Variants in CBFA2T3 observed in about 807,000 individuals in gnomAD.
The protein encoded by CBFA2T3 is transcriptional corepressor CBFA2T3.
A neutral mutation model predicts 58.6 loss-of-function variants in CBFA2T3; 31 were observed. That is an observed-to-expected ratio of 0.53 (90% CI 0.40 to 0.71). The LOEUF (loss-of-function observed/expected upper bound fraction) is 0.71. CBFA2T3 is among the 30% of genes least tolerant of loss of function. The probability of loss-of-function intolerance (pLI) is 0.00; values close to 1 mark genes in which losing one functional copy is unlikely to be tolerated. For missense variants in CBFA2T3, 1,076 were observed against 963.1 expected (o/e 1.12, Z -1.55); for synonymous variants, 531 against 421.9 (o/e 1.26, Z -3.17).
intron 1 of CBFA2T3, among the ~76,000 whole-genome samples, chr16:88,930,424 A>G (rs1020261181): frequency 1.3e-5 from 2 of 152,138 alleles, no homozygotes; most frequent in Non-Finnish European, 2.9e-5. Flanking sequence ...ATGGTCCACC[A>G]TAACAACAAT....
chr16:88,905,497 C>T (rs1232772789), intron 1 of CBFA2T3, among the ~76,000 whole-genome samples: 4 of 151,872 alleles, frequency 2.6e-5, no homozygotes, highest in Admixed American at 1.3e-4. Flanking sequence ...TGCAGGGTCT[C>T]TGTGCTTGAC....
chr16:88,977,169 C>T lies in CBFA2T3; in HGVS notation c.-362G>A. The T allele has an allele frequency of 3.5e-6, 1 of 284,564 alleles. No individual in the cohort carries two copies. The highest frequency in any genetic ancestry group is 6.7e-6 in the Non-Finnish European group (1 of 149,240). The allele number at this position is 284,564 out of a possible 1,614,324, so 17.6% of individuals were successfully genotyped here. ...CTTCCCTGACAGGAACCATCTGGGG[C>T]CCTGCCCTGCGCGGCCTTCCCTCGG... On this transcript the variant is annotated 5_prime_UTR_variant, in exon 1 of 12. Transcript: ENST00000268679.
At chr16:88,896,415 C>T (rs534894176) in intron 3 of CBFA2T3, among the ~76,000 whole-genome samples, 20 of 152,266 alleles carry the variant, frequency 1.3e-4, no homozygotes, top group South Asian at 1.2e-3. Context: ...CGCGCGGCAC[C>T]GATAACGGCG....
intron 1 of CBFA2T3, among the ~76,000 whole-genome samples, chr16:88,928,245 C>T (rs1279290941): frequency 2.0e-5 from 3 of 152,188 alleles, no homozygotes; most frequent in Non-Finnish European, 4.4e-5. Context: ...GCTTCTTGCC[C>T]GGCGTGTGGC....
At position 88,875,413 on chromosome 16, in the gene CBFA2T3, C is replaced by T. The variant is rs140686400; in HGVS notation, c.*1563G>A. On this transcript the variant is annotated 3_prime_UTR_variant, in exon 12 of 12. Coordinates refer to ENST00000268679, the MANE Select transcript of CBFA2T3 (RefSeq NM_005187.6). ...CCGAGACACACCCCAGGGCCAGAGG[C>T]GAACGCATCTGAGGGGTGGCTGGGC... 118 of 233,128 alleles carry T rather than the reference C, an allele frequency of 5.1e-4. 2 individuals carry two copies. Among genetic ancestry groups the T allele is most frequent in the African/African-American group, 2.2e-3 (101 of 45,214 alleles). The allele number at this position is 233,128 out of a possible 1,614,324, so 14.4% of individuals were successfully genotyped here.
intron 1 of CBFA2T3, among the ~76,000 whole-genome samples, chr16:88,922,715 G>A (rs970120885): frequency 6.6e-6 from 1 of 152,202 alleles, no homozygotes; most frequent in African/African-American, 2.4e-5. Flanking sequence ...TGCAGCCGTC[G>A]GAGGGTGGTG....
chr16:88,934,137 G>C (rs1971411945), intron 1 of CBFA2T3, among the ~76,000 whole-genome samples: 1 of 152,222 alleles, frequency 6.6e-6, no homozygotes. Context: ...AAGCTCCCTT[G>C]GGAGAGGCCG....
intron 1 of CBFA2T3, among the ~76,000 whole-genome samples, chr16:88,948,122 G>T (rs1230271431): frequency 6.6e-6 from 1 of 152,152 alleles, no homozygotes; most frequent in Non-Finnish European, 1.5e-5. Flanking sequence ...CGATCAGAAC[G>T]GGAGCTGTGT....
At chr16:88,882,514 G>T (rs1012253810) in intron 8 of CBFA2T3, among the ~76,000 whole-genome samples, 162 bp downstream of exon 8, 1 of 148,902 alleles carries the variant, frequency 6.7e-6, no homozygotes, top group Non-Finnish European at 1.5e-5. Flanking sequence ...TGGCTGTGTG[G>T]GCGTGGCTTG....
intron 1 of CBFA2T3, among the ~76,000 whole-genome samples, chr16:88,905,727 AGGAGGGGCGGGACT>A (rs1214379130): frequency 0.074 from 2,305 of 30,982 alleles, 43 homozygotes; most frequent in Middle Eastern, 0.16. Context: ...GCGGGGCTGA[AGGAGGGGCGGGACT>A]GGAGGGGCGG....
intron 1 of CBFA2T3, among the ~76,000 whole-genome samples, chr16:88,905,122 G>A (rs1279563464): frequency 6.6e-6 from 1 of 152,148 alleles, no homozygotes; most frequent in East Asian, 1.9e-4. Flanking sequence ...GGAGGGACCT[G>A]GGAAGGAGGG....
intron 1 of CBFA2T3, among the ~76,000 whole-genome samples, chr16:88,951,999 A>G (rs1597784415): frequency 1.3e-5 from 2 of 152,184 alleles, no homozygotes; most frequent in African/African-American, 4.8e-5. Context: ...ATTCTGGCAC[A>G]GACCCTTGGC....
At chr16:88,967,830 C>A (rs985435359) in intron 1 of CBFA2T3, among the ~76,000 whole-genome samples, 1 of 152,196 alleles carries the variant, frequency 6.6e-6, no homozygotes, top group African/African-American at 2.4e-5. Context: ...ACTCAGGACG[C>A]CCCCTGCCCC....
intron 5 of CBFA2T3, among the ~76,000 whole-genome samples, chr16:88,889,590 C>G (rs1969540929): frequency 6.6e-6 from 1 of 151,994 alleles, no homozygotes; most frequent in South Asian, 2.1e-4. Flanking sequence ...AACCCAGAGC[C>G]TCAGTTTCCC....
intron 1 of CBFA2T3, among the ~76,000 whole-genome samples, chr16:88,929,559 G>A (rs1214732019): frequency 3.3e-5 from 5 of 151,826 alleles, no homozygotes; most frequent in Non-Finnish European, 4.4e-5. Context: ...CATGGTCCAC[G>A]CAAAAGCTAC....
intron 8 of CBFA2T3, chr16:88,881,710 C>T (rs1324413624): frequency 9.9e-6 from 5 of 507,536 alleles, no homozygotes; most frequent in Admixed American, 3.4e-5. Context: ...CACATGGACA[C>T]GTGCCTAGAC....
In CBFA2T3 at chr16:88,972,321, C is replaced by T. The variant is rs113523370; in HGVS notation, c.151+4336G>A. Among the ~76,000 whole-genome samples, 805 of 152,218 alleles carry T rather than the reference C, an allele frequency of 5.3e-3. 5 individuals carry two copies. Among genetic ancestry groups the T allele is most frequent in the African/African-American group, 0.018 (751 of 41,506 alleles). On this transcript the variant is annotated intron_variant, in intron 1 of 11. Coordinates refer to ENST00000268679, the MANE Select transcript of CBFA2T3 (RefSeq NM_005187.6). ...CCCTGCTCTGTGCCAGTGGAGCCTC[C>T]GGTGGGGAGATAGTTGGGGGGGAGT...
At chr16:88,972,466 G>T (rs1429087918) in intron 1 of CBFA2T3, among the ~76,000 whole-genome samples, 3 of 152,082 alleles carry the variant, frequency 2.0e-5, no homozygotes, top group Non-Finnish European at 4.4e-5. Context: ...GCACTCTGCC[G>T]CCTCTGTCTG....
chr16:88,912,013 G>T (rs1386949617), intron 1 of CBFA2T3, among the ~76,000 whole-genome samples: 1 of 152,260 alleles, frequency 6.6e-6, no homozygotes, highest in Non-Finnish European at 1.5e-5. Flanking sequence ...CCTGGGTGCA[G>T]AGGTCCCGTC....
Sources: gnomAD v4.1 joint callset for allele counts (sites outside exome capture counted in the v4.1 genomes callset) on GRCh38, gnomAD v4.1.1 for gene constraint, MANE v1.5 for transcripts, NCBI Gene and HGNC (gene_info 2026-07-23, HGNC 2026-07-21) for gene names.